HRH1: variants seen among roughly 807,000 people sequenced by gnomAD.
The protein encoded by HRH1 is histamine H1 receptor.
A neutral mutation model predicts 10.3 loss-of-function variants in HRH1; 6 were observed. The ratio of observed to expected loss-of-function variants is 0.58; its 90% CI spans 0.32 to 1.15. HRH1 has a LOEUF of 1.15. Ranked by LOEUF, HRH1 falls within the 50% of genes most tolerant of loss-of-function variation. The probability of loss-of-function intolerance (pLI) is 0.05; values close to 1 mark genes in which losing one functional copy is unlikely to be tolerated. For missense variants in HRH1, 514 were observed against 615.3 expected, an observed-to-expected ratio of 0.84 and a Z score of 1.74; for synonymous variants, 242 against 236.7, an observed-to-expected ratio of 1.02 and a Z score of -0.21.
chr3:11,159,833 T>C (rs965330394), intron 1 of HRH1, among the ~76,000 whole-genome samples: 1 of 152,078 alleles, frequency 6.6e-6, no homozygotes, highest in Non-Finnish European at 1.5e-5. Flanking sequence ...GATGCTAACG[T>C]GGAGGGTAGG....
intron 1 of HRH1, among the ~76,000 whole-genome samples, chr3:11,142,055 G>GACCC (rs1361526783): frequency 6.6e-6 from 1 of 152,148 alleles, no homozygotes; most frequent in Non-Finnish European, 1.5e-5. Context: ...TGCCCTCAAG[G>GACCC]ACCCCTTGGT....
chr3:11,240,330 A>G lies in HRH1; in HGVS notation c.-35-18673A>G, dbSNP rs570903043. ...ACAATTGAATAATTGACAGCATTTA[A>G]AAACTAAAATATTTCATGTAAAAAC... On this transcript the variant is annotated intron_variant, in intron 1 of 1. Coordinates refer to ENST00000431010, the MANE Select transcript of HRH1 (RefSeq NM_001098212.2). Among the ~76,000 whole-genome samples, 3 of 152,280 alleles carry G rather than the reference A, an allele frequency of 2.0e-5. No homozygotes were observed. In the East Asian group the frequency reaches 5.8e-4, roughly 30 times the overall value.
At chr3:11,169,174 A>C (rs1937106711) in intron 1 of HRH1, among the ~76,000 whole-genome samples, 1 of 152,124 alleles carries the variant, frequency 6.6e-6, no homozygotes, top group Non-Finnish European at 1.5e-5. Flanking sequence ...TCTGTGCCTC[A>C]GTCTCCTCCT....
At chr3:11,167,195 T>C (rs1937060953) in intron 1 of HRH1, among the ~76,000 whole-genome samples, 1 of 145,602 alleles carries the variant, frequency 6.9e-6, no homozygotes, top group African/African-American at 2.6e-5. Context: ...TCCAGGCCCG[T>C]GACATCTGCT....
At chr3:11,251,298 G>A (rs1296653243) in intron 1 of HRH1, among the ~76,000 whole-genome samples, 1 of 152,156 alleles carries the variant, frequency 6.6e-6, no homozygotes, top group African/African-American at 2.4e-5. Context: ...CTAGTACTTG[G>A]ATTATCAAGT....
At chr3:11,234,156 C>T (rs1939113267) in intron 1 of HRH1, 1 of 739,914 alleles carries the variant, frequency 1.4e-6, no homozygotes, top group Non-Finnish European at 2.2e-6. Context: ...GTGCACAGGA[C>T]AACAGAGGGA....
chr3:11,177,204 A>C (rs1297892229), intron 1 of HRH1, among the ~76,000 whole-genome samples: 1 of 151,952 alleles, frequency 6.6e-6, no homozygotes, highest in East Asian at 1.9e-4. Flanking sequence ...CCAGGAGTTC[A>C]AGACCAGCCT....
chr3:11,198,841 A>G (rs1937779159), intron 1 of HRH1, among the ~76,000 whole-genome samples: 1 of 151,926 alleles, frequency 6.6e-6, no homozygotes, highest in Non-Finnish European at 1.5e-5. Context: ...TGAAAACTTC[A>G]TAGATGTGAA....
rs1476218152 is a variant in HRH1, at chr3:11,260,976, C to A, written c.*475C>A. On this transcript the variant is annotated 3_prime_UTR_variant, in exon 2 of 2. Transcript: ENST00000431010. ...ATGGAGCTGTATAACTGTGCAGAGA[C>A]TTTATCCATGCCAATAGTTGCTGTC... The A allele has an allele frequency of 5.9e-6, 1 of 170,708 alleles. No individual in the cohort carries two copies. Among genetic ancestry groups the A allele is most frequent in the Non-Finnish European group, 1.4e-5 (1 of 70,514 alleles). The allele number at this position is 170,708 out of a possible 1,614,324, so 10.6% of individuals were successfully genotyped here.
intron 1 of HRH1, among the ~76,000 whole-genome samples, chr3:11,201,717 G>A (rs976930456): frequency 6.6e-6 from 1 of 152,236 alleles, no homozygotes; most frequent in Admixed American, 6.5e-5. Context: ...CCTCAAGGGG[G>A]ACATGCCCAG....
intron 1 of HRH1, among the ~76,000 whole-genome samples, chr3:11,161,738 A>T (rs1242154067): frequency 6.6e-6 from 1 of 152,240 alleles, no homozygotes; most frequent in East Asian, 1.9e-4. Flanking sequence ...CTGTTGTATC[A>T]GGAGCTCAAT....
upstream of HRH1, among the ~76,000 whole-genome samples, chr3:11,153,042 C>T (rs1936679990): frequency 6.6e-6 from 1 of 152,112 alleles, no homozygotes; most frequent in African/African-American, 2.4e-5. Context: ...TTATGGAGCA[C>T]TAAGCCCTTT....
At chr3:11,256,235 C>G (rs908742104) in intron 1 of HRH1, among the ~76,000 whole-genome samples, 1 of 152,076 alleles carries the variant, frequency 6.6e-6, no homozygotes, top group African/African-American at 2.4e-5. Flanking sequence ...GAGGATTGCT[C>G]TGATTGGCAC....
upstream of HRH1, among the ~76,000 whole-genome samples, chr3:11,149,704 TCA>T (rs543011067): frequency 3.9e-5 from 6 of 152,232 alleles, no homozygotes; most frequent in Non-Finnish European, 7.3e-5. Context: ...TTCAGCAGTC[TCA>T]CAGGACCGCA....
chr3:11,196,717 G>A (rs1254354518), intron 1 of HRH1, among the ~76,000 whole-genome samples: 3 of 151,990 alleles, frequency 2.0e-5, no homozygotes, highest in Non-Finnish European at 4.4e-5. Flanking sequence ...TGTGTATGAT[G>A]CTGTCACAGG....
At chr3:11,152,116 G>T (rs184308623), upstream of HRH1, among the ~76,000 whole-genome samples, 100 of 152,224 alleles carry the variant, frequency 6.6e-4, no homozygotes, top group South Asian at 5.0e-3. Context: ...TGTATACTCT[G>T]AACAAACTCC....
chr3:11,209,151 GT>G (rs1001050365), intron 1 of HRH1, among the ~76,000 whole-genome samples: 5 of 152,244 alleles, frequency 3.3e-5, no homozygotes, highest in African/African-American at 1.2e-4. Flanking sequence ...GAGTGCAGTA[GT>G]ATGATTATAG....
chr3:11,250,374 G>A (rs1346105454), intron 1 of HRH1, among the ~76,000 whole-genome samples: 4 of 151,870 alleles, frequency 2.6e-5, no homozygotes, highest in African/African-American at 4.8e-5. Context: ...TCTCTTTAAC[G>A]TTACATTTTC....
chr3:11,180,224 C>CA (rs1434763230), intron 1 of HRH1, among the ~76,000 whole-genome samples: 3 of 152,114 alleles, frequency 2.0e-5, no homozygotes, highest in Non-Finnish European at 4.4e-5. Flanking sequence ...AGAAAGCCTC[C>CA]AGCCATTACA....
Sources: allele counts gnomAD v4.1 joint callset (sites outside exome capture counted in the v4.1 genomes callset), GRCh38; gene constraint gnomAD v4.1.1; transcripts MANE v1.5; gene names NCBI Gene and HGNC (gene_info 2026-07-23, HGNC 2026-07-21).